Variants in PPM1L observed in about 807,000 individuals in gnomAD.
The protein encoded by PPM1L is protein phosphatase 1L.
Under a neutral mutation model 31.4 loss-of-function variants are expected in PPM1L, and 13 were observed. The observed-to-expected ratio is 0.41, with a 90% CI of 0.27 to 0.66. The LOEUF (loss-of-function observed/expected upper bound fraction) is 0.66, where lower values mean the gene tolerates loss of function less well. PPM1L is among the 30% of genes least tolerant of loss of function. PPM1L has a pLI of 0.29. For missense variants in PPM1L, 326 were observed against 453.7 expected (o/e 0.72, Z 2.56); for synonymous variants, 184 against 175.4 (o/e 1.05, Z -0.39).
intron 1 of PPM1L, among the ~76,000 whole-genome samples, chr3:160,834,019 A>AT (rs78707253): frequency 0.017 from 2,208 of 128,690 alleles, 33 homozygotes; most frequent in African/African-American, 0.032. Flanking sequence ...TCTCCCAGGA[A>AT]TTTTTTTTTT....
chr3:160,803,949 G>T (rs566780953), intron 1 of PPM1L, among the ~76,000 whole-genome samples: 1 of 152,162 alleles, frequency 6.6e-6, no homozygotes, highest in East Asian at 1.9e-4. Flanking sequence ...ACGGAGTCTC[G>T]CTCTGTCGCC....
intron 1 of PPM1L, among the ~76,000 whole-genome samples, chr3:160,916,632 A>G (rs1451406312): frequency 6.6e-6 from 1 of 152,068 alleles, no homozygotes; most frequent in African/African-American, 2.4e-5. Context: ...AATCTACTTA[A>G]AAAAAATTTT....
intron 1 of PPM1L, among the ~76,000 whole-genome samples, chr3:160,886,769 AAAC>A (rs1459565739): frequency 6.6e-6 from 1 of 152,164 alleles, no homozygotes; most frequent in Non-Finnish European, 1.5e-5. Context: ...ATCAACAAAA[AAAC>A]GCAGAAAACC....
At chr3:160,944,598 T>C (rs1471693012) in intron 1 of PPM1L, among the ~76,000 whole-genome samples, 1 of 148,292 alleles carries the variant, frequency 6.7e-6, no homozygotes, top group East Asian at 1.9e-4. Flanking sequence ...CAGAGCTATT[T>C]CAAGGTGAGG....
At chr3:161,042,906 G>T (rs1718952232) in intron 2 of PPM1L, among the ~76,000 whole-genome samples, 1 of 151,826 alleles carries the variant, frequency 6.6e-6, no homozygotes, top group East Asian at 1.9e-4. Flanking sequence ...TGTAATCCCA[G>T]CTACTCAGGA....
Position 161,069,023 on chromosome 3 carries a change from A to G in PPM1L, c.949A>G (p.Ile317Val). The change falls in exon 4 of 4, where the codon ATC (isoleucine) becomes GTC (valine). Residue 317 changes from isoleucine (I) to valine (V), a missense_variant. Ile to Val is a conservative substitution (Grantham distance 29). This residue lies in a region of PPM1L where 201 missense variants were observed against 298.2 expected (regional missense o/e 0.67). Coordinates refer to ENST00000498165, the MANE Select transcript of PPM1L (RefSeq NM_139245.4). ...AFSNEEAVRF[I>V]KERLDEPHFG... The stretch of plus-strand genomic sequence containing the variant: ...CAGCAATGAAGAAGCAGTTCGATTC[A>G]TCAAGGAGCGCTTGGATGAACCTCA... 6.2e-7 allele frequency: 1 copy of G among 1,614,218 alleles called. No individual in the cohort carries two copies. The highest frequency in any genetic ancestry group is 8.5e-7 in the Non-Finnish European group (1 of 1,180,032).
chr3:160,908,290 A>G (rs1023565605), intron 1 of PPM1L, among the ~76,000 whole-genome samples: 1 of 152,168 alleles, frequency 6.6e-6, no homozygotes, highest in African/African-American at 2.4e-5. Flanking sequence ...ATGGTGTAAG[A>G]GTGCTTTTAC....
chr3:160,803,139 T>A (rs1427916185), intron 1 of PPM1L, among the ~76,000 whole-genome samples: 1 of 152,222 alleles, frequency 6.6e-6, no homozygotes, highest in Non-Finnish European at 1.5e-5. Context: ...TTTAGGGTGC[T>A]AACTCAAAAG....
Position 161,069,043 on chromosome 3 carries a change from A to G in PPM1L, c.969A>G (p.Glu323=). Residue 323 remains glutamate (E), a synonymous_variant, in exon 4 of 4, where the codon GAA becomes GAG. Transcript: ENST00000498165. Reference sequence around the variant, plus strand: ...GATTCATCAAGGAGCGCTTGGATGAACCTCACTTTGGGGCCAAGAGCATAG... The same window carrying G: ...GATTCATCAAGGAGCGCTTGGATGAGCCTCACTTTGGGGCCAAGAGCATAG... ...AVRFIKERLD[E]PHFGAKSIVL... The G allele has an allele frequency of 1.2e-6, 2 of 1,613,998 alleles. No individual in the cohort carries two copies. Among genetic ancestry groups the G allele is most frequent in the Non-Finnish European group, 1.7e-6 (2 of 1,179,984 alleles).
intron 1 of PPM1L, among the ~76,000 whole-genome samples, chr3:160,829,083 C>T (rs182008057): frequency 6.6e-6 from 1 of 151,922 alleles, no homozygotes; most frequent in African/African-American, 2.4e-5. Flanking sequence ...CAAGGAAGAA[C>T]AAGCAGTGGA....
chr3:160,971,866 G>C (rs1000381558), intron 2 of PPM1L, among the ~76,000 whole-genome samples: 1 of 151,924 alleles, frequency 6.6e-6, no homozygotes, highest in African/African-American at 2.4e-5. Flanking sequence ...TGGGCTCAAG[G>C]GACTCTCCAG....
Position 160,944,956 on chromosome 3 carries a change from CTATATAACATATATTATATATAACTA to C in PPM1L, c.400-16765_400-16740del, listed in dbSNP as rs1715330782. On this transcript the variant is annotated intron_variant, in intron 1 of 3. Coordinates refer to ENST00000498165, the MANE Select transcript of PPM1L (RefSeq NM_139245.4). ...ATATATTATATATAACTATATATAA[CTATATAACATATATTATATATAACTA>C]TATATAACATATATATAACTATATA... is the stretch of plus-strand genomic sequence containing the variant. Among the ~76,000 whole-genome samples the C allele has an allele frequency of 4.0e-4, 13 of 32,558 alleles. 4 individuals carry two copies. Among genetic ancestry groups the C allele is most frequent in the African/African-American group, 1.4e-3 (13 of 9,592 alleles). The allele number at this position is 32,558 out of a possible 152,430, so 21.4% of individuals were successfully genotyped here.
At chr3:160,980,415 G>A (rs1346614617) in intron 2 of PPM1L, among the ~76,000 whole-genome samples, 7 of 151,918 alleles carry the variant, frequency 4.6e-5, no homozygotes, top group Admixed American at 2.6e-4. Flanking sequence ...AGTGTCTCAC[G>A]CCTGTAATCC....
intron 1 of PPM1L, among the ~76,000 whole-genome samples, chr3:160,814,155 T>C (rs1043647925): frequency 2.0e-5 from 3 of 152,188 alleles, no homozygotes; most frequent in African/African-American, 7.2e-5. Context: ...ACTGCCTTTC[T>C]TTTCCCACCT....
chr3:160,815,490 G>T (rs143742272), intron 1 of PPM1L, among the ~76,000 whole-genome samples: 2 of 151,980 alleles, frequency 1.3e-5, no homozygotes, highest in Non-Finnish European at 2.9e-5. Flanking sequence ...GGAGGGTGGT[G>T]GTACTTATTA....
At chr3:160,814,509 G>GTA (rs1258812470) in intron 1 of PPM1L, among the ~76,000 whole-genome samples, 1 of 111,680 alleles carries the variant, frequency 9.0e-6, no homozygotes, top group Non-Finnish European at 1.8e-5. Context: ...ATATGTATGT[G>GTA]TATATATATA....
intron 2 of PPM1L, among the ~76,000 whole-genome samples, chr3:160,998,823 A>T (rs1717399896): frequency 6.6e-6 from 1 of 152,214 alleles, no homozygotes; most frequent in Non-Finnish European, 1.5e-5. Flanking sequence ...TAAACCCAGA[A>T]CTGAGGGGGT....
intron 1 of PPM1L, among the ~76,000 whole-genome samples, chr3:160,767,530 C>T (rs558240831): frequency 1.4e-4 from 22 of 152,274 alleles, no homozygotes; most frequent in African/African-American, 4.8e-4. Context: ...CCACTGCACC[C>T]AGCCTGTGTG....
At chr3:160,820,242 A>C (rs77755484) in intron 1 of PPM1L, among the ~76,000 whole-genome samples, 13,936 of 152,122 alleles carry the variant, frequency 0.092, 978 homozygotes, top group African/African-American at 0.19. Flanking sequence ...TCAACTCTTT[A>C]TGTTTAGATA....
Sources: gnomAD v4.1 joint callset for allele counts (sites outside exome capture counted in the v4.1 genomes callset) on GRCh38, gnomAD v4.1.1 for gene constraint, gnomAD v4.1.1 regional missense constraint, MANE v1.5 for transcripts, NCBI Gene and HGNC (gene_info 2026-07-23, HGNC 2026-07-21) for gene names.